GALNTL6: variants seen among roughly 807,000 people sequenced by gnomAD.
The protein encoded by GALNTL6 is polypeptide N-acetylgalactosaminyltransferase like 6.
A neutral mutation model predicts 73.7 loss-of-function variants in GALNTL6; 46 were observed. That is an observed-to-expected ratio of 0.62 (90% CI 0.49 to 0.80). GALNTL6 has a LOEUF of 0.80. Among genes scored for constraint, GALNTL6 ranks in the 30% least tolerant of loss-of-function variants. The pLI is 0.00. For missense variants in GALNTL6, 604 were observed against 755.0 expected (o/e 0.80, Z 2.34); for synonymous variants, 259 against 263.7 (o/e 0.98, Z 0.17).
intron 5 of GALNTL6, among the ~76,000 whole-genome samples, chr4:172,542,086 G>A (rs1411629590): frequency 6.6e-6 from 1 of 151,582 alleles, no homozygotes; most frequent in Non-Finnish European, 1.5e-5. Context: ...CTTTAACAGG[G>A]AGAAGAGAAG....
chr4:172,653,339 C>G (rs1740579277), intron 5 of GALNTL6, among the ~76,000 whole-genome samples: 2 of 151,896 alleles, frequency 1.3e-5, no homozygotes, highest in African/African-American at 4.8e-5. Context: ...CCTGCCTCAG[C>G]CTCCCGAGTA....
chr4:172,673,483 A>G (rs969433249), intron 5 of GALNTL6, among the ~76,000 whole-genome samples: 1 of 152,156 alleles, frequency 6.6e-6, no homozygotes, highest in Non-Finnish European at 1.5e-5. Context: ...GATATCTATC[A>G]TGTCCATTTG....
chr4:172,487,316 T>G (rs1351116673), intron 5 of GALNTL6, among the ~76,000 whole-genome samples: 122 of 119,072 alleles, frequency 1.0e-3, no homozygotes, highest in African/African-American at 3.5e-3. Context: ...CTTTCTTTCT[T>G]TCTTTCTTTC....
chr4:172,556,033 T>C (rs1736128782), intron 5 of GALNTL6, among the ~76,000 whole-genome samples: 1 of 152,120 alleles, frequency 6.6e-6, no homozygotes, highest in African/African-American at 2.4e-5. Context: ...CTCAACATTA[T>C]GTTAGGATAC....
At chr4:172,911,513 T>C (rs998458397) in intron 8 of GALNTL6, among the ~76,000 whole-genome samples, 3 of 152,084 alleles carry the variant, frequency 2.0e-5, no homozygotes, top group Non-Finnish European at 4.4e-5. Context: ...CACAAGAAAA[T>C]ATCTGGAATT....
chr4:172,970,174 A>G (rs777311640), intron 10 of GALNTL6, among the ~76,000 whole-genome samples: 20 of 152,344 alleles, frequency 1.3e-4, no homozygotes, highest in Middle Eastern at 3.4e-3. Flanking sequence ...GGCAAAGGGC[A>G]AAGCAAGATC....
intron 3 of GALNTL6, among the ~76,000 whole-genome samples, chr4:172,271,749 T>C (rs546634478): frequency 1.1e-3 from 161 of 152,026 alleles, no homozygotes; most frequent in African/African-American, 3.6e-3. Flanking sequence ...TGCACATGCA[T>C]AAACATATAT....
intron 5 of GALNTL6, among the ~76,000 whole-genome samples, chr4:172,774,090 C>T (rs1441360914): frequency 1.3e-5 from 2 of 152,120 alleles, no homozygotes; most frequent in African/African-American, 4.8e-5. Flanking sequence ...CAATGAAGAG[C>T]GAATTCATTT....
intron 2 of GALNTL6, among the ~76,000 whole-genome samples, chr4:171,922,811 C>T (rs1198839817): frequency 6.6e-6 from 1 of 151,930 alleles, no homozygotes; most frequent in Non-Finnish European, 1.5e-5. Flanking sequence ...TTACATTATA[C>T]CTTACTATTT....
chr4:172,732,818 C>CA (rs1366746537), intron 5 of GALNTL6, among the ~76,000 whole-genome samples: 5 of 152,082 alleles, frequency 3.3e-5, no homozygotes, highest in African/African-American at 7.2e-5. Flanking sequence ...CAAACAAAGG[C>CA]AAAAAAACCC....
chr4:172,867,800 CA>C (rs1744733677), intron 7 of GALNTL6, among the ~76,000 whole-genome samples: 1 of 152,098 alleles, frequency 6.6e-6, no homozygotes, highest in Non-Finnish European at 1.5e-5. Flanking sequence ...CTATAGGGAA[CA>C]GGGAACATTA....
chr4:172,146,202 G>C (rs940911629), intron 2 of GALNTL6, among the ~76,000 whole-genome samples: 3 of 152,044 alleles, frequency 2.0e-5, no homozygotes, highest in African/African-American at 7.2e-5. Context: ...CTCCAAAATG[G>C]CATATTTTAG....
At chr4:172,577,995 C>G (rs1737025021) in intron 5 of GALNTL6, among the ~76,000 whole-genome samples, 1 of 152,126 alleles carries the variant, frequency 6.6e-6, no homozygotes, top group South Asian at 2.1e-4. Flanking sequence ...TGACAATCAC[C>G]AGGCCTTGTG....
chr4:172,464,546 A>G (rs1561095348), intron 5 of GALNTL6, among the ~76,000 whole-genome samples: 1 of 151,926 alleles, frequency 6.6e-6, no homozygotes, highest in Non-Finnish European at 1.5e-5. Flanking sequence ...TGTCTCTACT[A>G]AAAATACAAA....
At chr4:172,115,489 ACT>A (rs1310531262) in intron 2 of GALNTL6, among the ~76,000 whole-genome samples, 1 of 152,148 alleles carries the variant, frequency 6.6e-6, no homozygotes, top group African/African-American at 2.4e-5. Flanking sequence ...TCAAACTCAA[ACT>A]TTTTTAGTGC....
intron 5 of GALNTL6, among the ~76,000 whole-genome samples, chr4:172,573,512 G>A (rs935122267): frequency 2.0e-5 from 3 of 152,116 alleles, no homozygotes; most frequent in Non-Finnish European, 1.5e-5. Context: ...TGAAGCAATG[G>A]TGGCTTTTCA....
chr4:172,271,163 A>C (rs1476082760), intron 3 of GALNTL6, among the ~76,000 whole-genome samples: 3 of 152,170 alleles, frequency 2.0e-5, no homozygotes. Flanking sequence ...ATGGAATTTC[A>C]GTTGTTAAAA....
At chr4:172,012,926 G>A (rs922198965) in intron 2 of GALNTL6, among the ~76,000 whole-genome samples, 1 of 151,944 alleles carries the variant, frequency 6.6e-6, no homozygotes, top group Non-Finnish European at 1.5e-5. Flanking sequence ...ACCCCCAAAA[G>A]TTCTCTGGTA....
chr4:172,002,577 C>A (rs571138898), intron 2 of GALNTL6, among the ~76,000 whole-genome samples: 1 of 152,186 alleles, frequency 6.6e-6, no homozygotes, highest in Non-Finnish European at 1.5e-5. Context: ...TTGAGTTCTA[C>A]TAAGTATTAA....
Sources: gnomAD v4.1 joint callset for allele counts (sites outside exome capture counted in the v4.1 genomes callset) on GRCh38, gnomAD v4.1.1 for gene constraint, MANE v1.5 for transcripts, NCBI Gene and HGNC (gene_info 2026-07-23, HGNC 2026-07-21) for gene names.